C1QC: variants seen among roughly 807,000 people sequenced by gnomAD.
The protein encoded by C1QC is complement C1q subcomponent subunit C.
In C1QC, 4 loss-of-function variants were observed where a neutral mutation model predicts 5.9. The ratio of observed to expected loss-of-function variants is 0.68; its 90% CI spans 0.33 to 1.55. The LOEUF is 1.55. Ranked by LOEUF, C1QC falls within the 40% of genes most tolerant of loss-of-function variation. The probability of loss-of-function intolerance (pLI) is 0.06; values close to 1 mark genes in which losing one functional copy is unlikely to be tolerated. For missense variants in C1QC, 299 were observed against 326.9 expected (o/e 0.91, Z 0.66); for synonymous variants, 166 against 153.8 (o/e 1.08, Z -0.59).
At chr1:22,644,934 G>T (rs540741122) in intron 2 of C1QC, among the ~76,000 whole-genome samples, 1 of 152,178 alleles carries the variant, frequency 6.6e-6, no homozygotes, top group African/African-American at 2.4e-5. Context: ...CATAAGAGAA[G>T]GGGGCTGAGG....
Position 22,647,487 on chromosome 1 carries a change from C to T in C1QC, c.442C>T (p.Gln148Ter), listed in dbSNP as rs759664323. ...ATTCAACGCGGTCCTCACCAACCCG[C>T]AGGGAGATTATGACACGAGCACTGG... is the stretch of plus-strand genomic sequence containing the variant. ...IRFNAVLTNP[Q>*]GDYDTSTGKF... The change falls in exon 3 of 3, where the codon CAG (glutamine) becomes TAG (stop). Residue 148 changes from glutamine to a stop codon, truncating the protein, a stop_gained. Coordinates refer to ENST00000374640, the MANE Select transcript of C1QC (RefSeq NM_172369.5). LOFTEE classifies it low-confidence loss of function (END_TRUNC). 2.5e-6 allele frequency: 4 copies of T among 1,614,240 alleles called. No individual in the cohort carries two copies. Among genetic ancestry groups the T allele is most frequent in the Non-Finnish European group, 3.4e-6 (4 of 1,180,052 alleles).
intron 2 of C1QC, among the ~76,000 whole-genome samples, chr1:22,644,470 C>A (rs1485276127): frequency 6.6e-6 from 1 of 152,218 alleles, no homozygotes; most frequent in Non-Finnish European, 1.5e-5. Flanking sequence ...AATAAGAGCG[C>A]CTGCCCCCAA....
chr1:22,646,071 A>C (rs1409092768), intron 2 of C1QC, among the ~76,000 whole-genome samples: 1 of 152,238 alleles, frequency 6.6e-6, no homozygotes, highest in African/African-American at 2.4e-5. Flanking sequence ...ACAGAGTGAG[A>C]CACTGGGATT....
chr1:22,647,193 C>T (rs1286958867), intron 2 of C1QC, 34 bp from the exon 3 acceptor site: 2 of 1,598,686 alleles, frequency 1.3e-6, no homozygotes, highest in African/African-American at 2.7e-5. Flanking sequence ...TGTCCCCCAC[C>T]CTATCACTTT....
chr1:22,646,197 T>A (rs1401954860), intron 2 of C1QC, among the ~76,000 whole-genome samples: 1 of 152,114 alleles, frequency 6.6e-6, no homozygotes, highest in Non-Finnish European at 1.5e-5. Flanking sequence ...AGGCCAGCTG[T>A]CATGGGGGCT....
Position 22,647,873 on chromosome 1 carries a change from C to A in C1QC, c.*90C>A. ...CTTACTGGCCAGTCTGCATCCTTGC[C>A]TAGACCATTCTCCCCACCAGATGGA... On this transcript the variant is annotated 3_prime_UTR_variant, in exon 3 of 3. Coordinates refer to ENST00000374640, the MANE Select transcript of C1QC (RefSeq NM_172369.5). 6.5e-7 allele frequency: 1 copy of A among 1,538,332 alleles called. No homozygotes were observed. The highest frequency in any genetic ancestry group is 8.8e-7 in the Non-Finnish European group (1 of 1,137,620).
At chr1:22,645,370 T>C (rs1642351158) in intron 2 of C1QC, among the ~76,000 whole-genome samples, 1 of 152,062 alleles carries the variant, frequency 6.6e-6, no homozygotes, top group African/African-American at 2.4e-5. Flanking sequence ...TTTTAGGAAA[T>C]GATAAAACCG....
intron 2 of C1QC, among the ~76,000 whole-genome samples, chr1:22,646,008 G>A (rs1213569481): frequency 6.6e-6 from 1 of 152,206 alleles, no homozygotes; most frequent in African/African-American, 2.4e-5. Flanking sequence ...AGATGAGTAT[G>A]ATTTAGATAA....
Position 22,643,975 on chromosome 1 carries a change from G to A in C1QC, c.-13-36G>A, listed in dbSNP as rs1415070389. The stretch of plus-strand genomic sequence containing the variant: ...AATGAGAGGGTTGGGGGCAGGTGAG[G>A]GGCTGGCGGGGACAGCTCAGCTCTC... On this transcript the variant is annotated intron_variant, in intron 1 of 2. Transcript: ENST00000374640. 5 of 1,571,082 alleles carry A rather than the reference G, an allele frequency of 3.2e-6. No individual in the cohort carries two copies. The African/African-American group carries it at 6.7e-5, about 21-fold the overall frequency.
chr1:22,647,975 T>A lies in C1QC; in HGVS notation c.*192T>A. 1 of 668,272 alleles carries A rather than the reference T, an allele frequency of 1.5e-6. No individual in the cohort carries two copies. The highest frequency in any genetic ancestry group is 2.5e-6 in the Non-Finnish European group (1 of 403,700). The allele number at this position is 668,272 out of a possible 1,614,324, so 41.4% of individuals were successfully genotyped here. A position where few individuals can be genotyped will look rare whatever the true frequency, so the allele number is the denominator to read the frequency against. On this transcript the variant is annotated 3_prime_UTR_variant, in exon 3 of 3. Coordinates refer to ENST00000374640, the MANE Select transcript of C1QC (RefSeq NM_172369.5). ...ATGGGTTCTCTCCTTCCTCTGAACT[T>A]CTTTAGGAGTCACTGCTTGTGTGGT...
chr1:22,644,429 C>T (rs910606490), intron 2 of C1QC, among the ~76,000 whole-genome samples: 4 of 152,176 alleles, frequency 2.6e-5, no homozygotes, highest in Non-Finnish European at 5.9e-5. Context: ...CTTCCATCTT[C>T]CTTCTCCTCC....
In C1QC at chr1:22,647,441, T is replaced by A; in HGVS notation, c.396T>A (p.Pro132=). The change falls in exon 3 of 3, where the codon CCT becomes CCA. Residue 132 remains proline (P), a synonymous_variant. Transcript: ENST00000374640. ...TCACTCGGCAGACCCACCAGCCCCC[T>A]GCACCCAACAGCCTGATCAGATTCA... ...FTVTRQTHQP[P]APNSLIRFNA... is the part of the protein sequence containing the mutation. 7 of 1,614,114 alleles carry A rather than the reference T, an allele frequency of 4.3e-6. No homozygotes were observed. Among genetic ancestry groups the A allele is most frequent in the Non-Finnish European group, 5.9e-6 (7 of 1,180,016 alleles).
At position 22,647,671 on chromosome 1, in the gene C1QC, T is replaced by C. The variant is rs760148131; in HGVS notation, c.626T>C (p.Leu209Pro). 6.2e-7 allele frequency: 1 copy of C among 1,611,260 alleles called. No individual in the cohort carries two copies. Among genetic ancestry groups the C allele is most frequent in the Admixed American group, 1.7e-5 (1 of 60,026 alleles). The change falls in exon 3 of 3, where the codon CTG becomes CCG. Residue 209 changes from leucine to proline, a missense_variant. By Grantham distance (98) the Leu-to-Pro change is moderately conservative (BLOSUM62 -3). This residue lies in a region of C1QC where 144 missense variants were observed against 155.1 expected (regional missense o/e 0.93). Transcript: ENST00000374640. ...CAGGTCAACTCGGGCGGTGTGCTGC[T>C]GAGGTTGCAGGTGGGCGAGGAGGTG... is the stretch of plus-strand genomic sequence containing the variant. ...TNQVNSGGVL[L>P]RLQVGEEVWL...
intron 2 of C1QC, among the ~76,000 whole-genome samples, chr1:22,645,017 C>A (rs1642345698): frequency 6.6e-6 from 1 of 152,064 alleles, no homozygotes; most frequent in Non-Finnish European, 1.5e-5. Flanking sequence ...GTGAGCTGGG[C>A]ACGTCTCAGA....
chr1:22,647,516 G>C lies in C1QC; in HGVS notation c.471G>C (p.Lys157Asn). The change falls in exon 3 of 3, where the codon AAG (lysine) becomes AAC (asparagine). Residue 157 changes from lysine (K) to asparagine (N), a missense_variant. By Grantham distance (94) the Lys-to-Asn change is moderately conservative (BLOSUM62 0). Coordinates refer to ENST00000374640, the MANE Select transcript of C1QC (RefSeq NM_172369.5). ...GAGATTATGACACGAGCACTGGCAA[G>C]TTCACCTGCAAAGTCCCCGGCCTCT... Reference protein sequence around the residue: ...PQGDYDTSTGKFTCKVPGLYY... With the variant: ...PQGDYDTSTGNFTCKVPGLYY... 1 of 1,614,218 alleles carries C rather than the reference G, an allele frequency of 6.2e-7. No individual in the cohort carries two copies. Among genetic ancestry groups the C allele is most frequent in the Non-Finnish European group, 8.5e-7 (1 of 1,180,042 alleles).
intron 2 of C1QC, among the ~76,000 whole-genome samples, chr1:22,645,547 A>G (rs1316952315): frequency 1.3e-5 from 2 of 152,118 alleles, no homozygotes; most frequent in Non-Finnish European, 2.9e-5. Flanking sequence ...TCCCCTCTGT[A>G]TTGCTGTTTC....
At position 22,647,538 on chromosome 1, in the gene C1QC, C is replaced by A. The variant is rs1642391510; in HGVS notation, c.493C>A (p.Leu165Ile). ...CAAGTTCACCTGCAAAGTCCCCGGCCTCTACTACTTTGTCTACCACGCGTC... is the reference window on the plus strand; with the variant it reads ...CAAGTTCACCTGCAAAGTCCCCGGCATCTACTACTTTGTCTACCACGCGTC... ...TGKFTCKVPG[L>I]YYFVYHASHT... The change falls in exon 3 of 3, where the codon CTC (leucine) becomes ATC (isoleucine). Residue 165 changes from leucine (L) to isoleucine (I), a missense_variant. Around this residue, in one of 3 missense-constraint regions of C1QC, gnomAD observed 144 missense variants for 155.1 expected, o/e 0.93. Coordinates refer to ENST00000374640, the MANE Select transcript of C1QC (RefSeq NM_172369.5). The A allele has an allele frequency of 1.9e-6, 3 of 1,614,268 alleles. No individual in the cohort carries two copies. The highest frequency in any genetic ancestry group is 2.5e-6 in the Non-Finnish European group (3 of 1,180,052).
In C1QC at chr1:22,647,477, C is replaced by T. The variant is rs1642389424; in HGVS notation, c.432C>T (p.Leu144=). The T allele has an allele frequency of 1.9e-6, 3 of 1,614,116 alleles. No individual in the cohort carries two copies. Among genetic ancestry groups the T allele is most frequent in the East Asian group, 2.2e-5 (1 of 44,882 alleles). The change falls in exon 3 of 3, where the codon CTC becomes CTT. Residue 144 remains leucine, a synonymous_variant. Coordinates refer to ENST00000374640, the MANE Select transcript of C1QC (RefSeq NM_172369.5). ...PNSLIRFNAV[L]TNPQGDYDTS... ...GCCTGATCAGATTCAACGCGGTCCT[C>T]ACCAACCCGCAGGGAGATTATGACA...
At chr1:22,643,818 A>G (rs1045305559) in intron 1 of C1QC, 104 bp downstream of exon 1, 1 of 1,355,388 alleles carries the variant, frequency 7.4e-7, no homozygotes. Context: ...GTGTGAGGGG[A>G]AGGAGGGTTC....
Sources: allele counts gnomAD v4.1 joint callset (sites outside exome capture counted in the v4.1 genomes callset), GRCh38; gene constraint gnomAD v4.1.1; regional missense constraint gnomAD v4.1.1; transcripts MANE v1.5; gene names NCBI Gene and HGNC (gene_info 2026-07-23, HGNC 2026-07-21).